The following GRHPR variants were observed in gnomAD, a reference collection of about 807,000 sequenced individuals.
GRHPR encodes the protein glyoxylate reductase/hydroxypyruvate reductase.
Under a neutral mutation model 36.8 loss-of-function variants are expected in GRHPR, and 35 were observed. That is an observed-to-expected ratio of 0.95 (90% CI 0.73 to 1.26). GRHPR has a LOEUF of 1.26. GRHPR is among the 50% of genes most tolerant of loss of function. The pLI, the probability that GRHPR is intolerant of heterozygous loss-of-function variation, is 0.00. For missense variants in GRHPR, 380 were observed against 435.0 expected (o/e 0.87, Z 1.12); for synonymous variants, 179 against 181.0 (o/e 0.99, Z 0.09).
At chr9:37,429,524 T>C in intron 5 of GRHPR, 2 of 642,802 alleles carry the variant, frequency 3.1e-6, no homozygotes, top group South Asian at 1.6e-5. Context: ...AGGTGCTGTC[T>C]CCAGATCCCT....
Position 37,426,597 on chromosome 9 carries a change from TC to T in GRHPR, c.348del (p.Ser117ProfsTer17), listed in dbSNP as rs755926095. The part of the protein sequence containing the change: ...VLTDTTAELA[V>X]SLLLTTCRRL... Reference sequence around the variant, plus strand: ...ACAGATACCACCGCCGAACTCGCAGTCTCCCTGCTACTTACCACCTGCCGCC... The same window carrying T: ...ACAGATACCACCGCCGAACTCGCAGTTCCCTGCTACTTACCACCTGCCGCC... On this transcript the variant is annotated frameshift_variant, in exon 4 of 9. Transcript: ENST00000318158. LOFTEE classifies it high-confidence loss of function. 1 of 1,613,940 alleles carries T rather than the reference TC, an allele frequency of 6.2e-7. No homozygotes were observed. The highest frequency in any genetic ancestry group is 1.1e-5 in the South Asian group (1 of 91,082).
chr9:37,428,709 G>A (rs1178814340), intron 5 of GRHPR, 137 bp downstream of exon 5: 1 of 725,558 alleles, frequency 1.4e-6, no homozygotes, highest in Admixed American at 2.0e-5. Flanking sequence ...TCTCTAATGA[G>A]GGATACAGCT....
intron 8 of GRHPR, 58 bp downstream of exon 8, chr9:37,432,196 G>A (rs1823403668): frequency 8.2e-6 from 13 of 1,586,884 alleles, no homozygotes; most frequent in Middle Eastern, 1.7e-4. Context: ...CAGTGTTTTT[G>A]AGGGGGTCCC....
chr9:37,433,272 C>T (rs574015922), intron 8 of GRHPR, among the ~76,000 whole-genome samples: 4 of 142,988 alleles, frequency 2.8e-5, no homozygotes, highest in South Asian at 2.2e-4. Context: ...CTCGCTCTGT[C>T]GCCCAGGCTG....
downstream of GRHPR, among the ~76,000 whole-genome samples, chr9:37,437,686 ATTTT>A (rs57294640): frequency 6.8e-6 from 1 of 146,856 alleles, no homozygotes; most frequent in East Asian, 2.0e-4. Context: ...CCCCAGGTGG[ATTTT>A]TTTTTTTTTT....
intron 4 of GRHPR, 108 bp from the exon 5 acceptor site, chr9:37,428,376 T>A: frequency 1.5e-6 from 1 of 652,416 alleles, no homozygotes; most frequent in African/African-American, 1.8e-5. Context: ...GTCCGTGACC[T>A]GGAGGGTGGG....
chr9:37,425,367 G>A (rs997832905), intron 2 of GRHPR, among the ~76,000 whole-genome samples: 3 of 152,224 alleles, frequency 2.0e-5, no homozygotes, highest in Non-Finnish European at 2.9e-5. Context: ...TTCCTCAACC[G>A]CAGCCACGGG....
In GRHPR at chr9:37,428,467, C is replaced by T; in HGVS notation, c.405-17C>T. The T allele has an allele frequency of 6.4e-7, 1 of 1,561,090 alleles. No individual in the cohort carries two copies. The highest frequency in any genetic ancestry group is 8.8e-7 in the Non-Finnish European group (1 of 1,132,824). The stretch of plus-strand genomic sequence containing the variant: ...TCCAAGGCTGGGCCTCTCACCTGCC[C>T]CTCTCTCTCCCCTCAGTGGTGGCTG... On this transcript the variant is annotated splice_polypyrimidine_tract_variant and intron_variant, in intron 4 of 8. Coordinates refer to ENST00000318158, the MANE Select transcript of GRHPR (RefSeq NM_012203.2).
chr9:37,426,778 T>A, intron 4 of GRHPR, 124 bp downstream of exon 4: 2 of 661,102 alleles, frequency 3.0e-6, no homozygotes, highest in South Asian at 1.5e-5. Flanking sequence ...TGAAACCCCG[T>A]CTCTAGTAAA....
chr9:37,435,217 C>A (rs1406241785), intron 8 of GRHPR, among the ~76,000 whole-genome samples: 2 of 152,214 alleles, frequency 1.3e-5, no homozygotes, highest in African/African-American at 4.8e-5. Flanking sequence ...CCATGGCACT[C>A]CAGCCTGGGC....
At chr9:37,428,848 A>G (rs1823214313) in intron 5 of GRHPR, 1 of 567,630 alleles carries the variant, frequency 1.8e-6, no homozygotes, top group Non-Finnish European at 3.3e-6. Context: ...ACAGATGAAG[A>G]CTACAAATGT....
At chr9:37,437,013 G>A, downstream of GRHPR, 1 of 479,278 alleles carries the variant, frequency 2.1e-6, no homozygotes, top group Non-Finnish European at 3.9e-6. Context: ...CTGTAAATGG[G>A]GAAGCTAACA....
At chr9:37,422,605 G>C (rs139839633), upstream of GRHPR, 4 of 694,940 alleles carry the variant, frequency 5.8e-6, no homozygotes, top group Admixed American at 6.2e-5. Flanking sequence ...GCCGCAACCC[G>C]GCGCTCCCTC....
chr9:37,438,519 G>A (rs1226397261), downstream of GRHPR: 3 of 152,260 alleles, frequency 2.0e-5, no homozygotes, highest in African/African-American at 7.2e-5. Flanking sequence ...AGCCCCAAAA[G>A]CAAAGTCCAC....
chr9:37,431,357 C>T, intron 7 of GRHPR: 1 of 314,824 alleles, frequency 3.2e-6, no homozygotes, highest in Non-Finnish European at 6.3e-6. Context: ...AGGGCTCGCA[C>T]TGCTGGCTGG....
At chr9:37,433,951 C>T (rs1823504714) in intron 8 of GRHPR, 2 of 397,454 alleles carry the variant, frequency 5.0e-6, no homozygotes, top group Non-Finnish European at 8.9e-6. Flanking sequence ...GAAACTCTCC[C>T]GTCCCTCCCC....
At chr9:37,424,734 A>G in intron 1 of GRHPR, 111 bp from the exon 2 acceptor site, 1 of 1,276,982 alleles carries the variant, frequency 7.8e-7, no homozygotes, top group Non-Finnish European at 1.1e-6. Flanking sequence ...CCCCTCAGCC[A>G]GCCCCGGGCA....
At chr9:37,435,420 C>A (rs953283603) in intron 8 of GRHPR, among the ~76,000 whole-genome samples, 29 of 152,168 alleles carry the variant, frequency 1.9e-4, no homozygotes, top group African/African-American at 6.5e-4. Flanking sequence ...TTGGACCCTG[C>A]CATTCACAGT....
At chr9:37,434,339 G>A (rs912949538) in intron 8 of GRHPR, 3 of 474,170 alleles carry the variant, frequency 6.3e-6, no homozygotes, top group African/African-American at 3.9e-5. Flanking sequence ...GTGCCTTGGG[G>A]GAAGGGCCAG....
Sources: allele counts gnomAD v4.1 joint callset (sites outside exome capture counted in the v4.1 genomes callset), GRCh38; gene constraint gnomAD v4.1.1; transcripts MANE v1.5; gene names NCBI Gene and HGNC (gene_info 2026-07-23, HGNC 2026-07-21).